Variants in ASB4 observed in about 807,000 individuals in gnomAD.
The protein encoded by ASB4 is ankyrin repeat and SOCS box containing 4, also known as ankyrin repeat and SOCS box protein 4.
A neutral mutation model predicts 38.6 loss-of-function variants in ASB4; 35 were observed. The ratio of observed to expected loss-of-function variants is 0.91; its 90% CI spans 0.69 to 1.20. ASB4 has a LOEUF of 1.20. Among genes scored for constraint, ASB4 ranks in the 50% most tolerant of loss-of-function variants. The probability of loss-of-function intolerance (pLI) is 0.00; values close to 1 mark genes in which losing one functional copy is unlikely to be tolerated. For synonymous variants in ASB4, 195 were observed against 201.3 expected, an observed-to-expected ratio of 0.97 and a Z score of 0.26; for missense variants, 557 against 527.2, an observed-to-expected ratio of 1.06 and a Z score of -0.55.
the ASB4 span, among the ~76,000 whole-genome samples, chr7:95,546,679 G>GTGAA: frequency 6.6e-6 from 1 of 152,182 alleles, no homozygotes; most frequent in Non-Finnish European, 1.5e-5. Context: ...GATAGGCAAG[G>GTGAA]TGAAATACAT....
chr7:95,501,344 G>A (rs1790334523), intron 2 of ASB4, among the ~76,000 whole-genome samples: 1 of 152,222 alleles, frequency 6.6e-6, no homozygotes, highest in South Asian at 2.1e-4. Context: ...TTATCTGACA[G>A]TGACACAAGT....
At chr7:95,535,328 A>C (rs1420544378) in intron 3 of ASB4, among the ~76,000 whole-genome samples, 1 of 152,206 alleles carries the variant, frequency 6.6e-6, no homozygotes, top group African/African-American at 2.4e-5. Flanking sequence ...GTCTTTGGAG[A>C]AAGTTGTTTA....
At chr7:95,485,308 A>C (rs554746935), upstream of ASB4, among the ~76,000 whole-genome samples, 68 of 152,218 alleles carry the variant, frequency 4.5e-4, no homozygotes, top group Non-Finnish European at 8.8e-4. Context: ...GTTCATTCAC[A>C]TGTTGCATTT....
At chr7:95,497,508 A>T (rs968408083) in intron 2 of ASB4, among the ~76,000 whole-genome samples, 1 of 152,228 alleles carries the variant, frequency 6.6e-6, no homozygotes, top group Non-Finnish European at 1.5e-5. Context: ...AAGAAACTTG[A>T]GGAAGAGGCA....
intron 2 of ASB4, among the ~76,000 whole-genome samples, chr7:95,505,281 T>C (rs1017614126): frequency 6.6e-6 from 1 of 152,152 alleles, no homozygotes; most frequent in African/African-American, 2.4e-5. Context: ...TTAAGATCAA[T>C]ATACAAAAAT....
intron 2 of ASB4, among the ~76,000 whole-genome samples, chr7:95,515,203 TTC>T (rs1251180034): frequency 9.2e-5 from 12 of 130,922 alleles, no homozygotes; most frequent in African/African-American, 2.8e-4. Flanking sequence ...CTTTCTTTCT[TTC>T]TTTCTTTCTT....
intron 2 of ASB4, among the ~76,000 whole-genome samples, chr7:95,523,631 T>A (rs531020769): frequency 2.0e-5 from 3 of 151,812 alleles, no homozygotes; most frequent in Non-Finnish European, 2.9e-5. Context: ...ATAAAGACTC[T>A]TAACATAGTT....
At chr7:95,515,235 C>T (rs149398589) in intron 2 of ASB4, among the ~76,000 whole-genome samples, 7,950 of 71,952 alleles carry the variant, frequency 0.11, 252 homozygotes, top group Middle Eastern at 0.17. Context: ...CTTTCTTTTT[C>T]TTTCTTTCTT....
downstream of ASB4, among the ~76,000 whole-genome samples, chr7:95,541,745 C>T (rs937807730): frequency 4.6e-5 from 7 of 152,036 alleles, no homozygotes; most frequent in African/African-American, 1.7e-4. Context: ...GAGCTGATTT[C>T]GCAGCTGTTT....
chr7:95,506,686 C>CTTTTTTTTTT (rs76270182), intron 2 of ASB4, among the ~76,000 whole-genome samples: 1 of 119,964 alleles, frequency 8.3e-6, no homozygotes, highest in African/African-American at 3.1e-5. Context: ...AATTTAGATT[C>CTTTTTTTTTT]TTTTTTTTTT....
At chr7:95,533,375 C>T (rs963367219) in intron 3 of ASB4, among the ~76,000 whole-genome samples, 1 of 152,208 alleles carries the variant, frequency 6.6e-6, no homozygotes, top group Non-Finnish European at 1.5e-5. Context: ...GCTTCTAACA[C>T]TCTTCGTGCT....
chr7:95,497,714 A>C (rs1430137939), intron 2 of ASB4, among the ~76,000 whole-genome samples: 1 of 152,160 alleles, frequency 6.6e-6, no homozygotes, highest in East Asian at 1.9e-4. Flanking sequence ...TCTACAGACA[A>C]CCACTGATGT....
upstream of ASB4, among the ~76,000 whole-genome samples, chr7:95,478,136 T>C (rs1176042654): frequency 6.6e-6 from 1 of 152,222 alleles, no homozygotes; most frequent in African/African-American, 2.4e-5. Context: ...TTTTTTTTCT[T>C]ACTGCACCTC....
At chr7:95,535,997 G>C (rs146381486) in intron 3 of ASB4, among the ~76,000 whole-genome samples, 137 of 152,330 alleles carry the variant, frequency 9.0e-4, no homozygotes, top group African/African-American at 3.2e-3. Context: ...TGTCCAGTCT[G>C]TCTCTAAATT....
chr7:95,536,295 C>T (rs777605026), intron 3 of ASB4, 142 bp from the exon 4 acceptor site: 1 of 548,136 alleles, frequency 1.8e-6, no homozygotes, highest in Non-Finnish European at 3.3e-6. Context: ...AGCAATCCTC[C>T]TGCCTCAGTC....
At chr7:95,545,272 C>G in the ASB4 span, among the ~76,000 whole-genome samples, 3 of 152,134 alleles carry the variant, frequency 2.0e-5, no homozygotes, top group African/African-American at 7.2e-5. Context: ...CCAGAAAGAT[C>G]AAGAAAGGTA....
chr7:95,520,008 C>G (rs1025110881), intron 2 of ASB4, among the ~76,000 whole-genome samples: 2 of 151,968 alleles, frequency 1.3e-5, no homozygotes, highest in Non-Finnish European at 2.9e-5. Flanking sequence ...AAAAAACATG[C>G]CTTGTTTGGA....
rs114221737 is a variant in ASB4 at position 95,496,619 on chromosome 7, A to G, written c.487+562A>G. ...ACCAGAAGTTTTGGAGGCTAAGGTG[A>G]GAGGATCACTTGAGCCCAGGAGTTC... On this transcript the variant is annotated intron_variant, in intron 2 of 4. Transcript: ENST00000325885. Among the ~76,000 whole-genome samples, 849 of 152,208 alleles carry G rather than the reference A, an allele frequency of 5.6e-3. 10 individuals carry two copies. The highest frequency in any genetic ancestry group is 0.019 in the African/African-American group (788 of 41,552).
the ASB4 span, among the ~76,000 whole-genome samples, chr7:95,551,227 C>T: frequency 1.3e-5 from 2 of 152,176 alleles, no homozygotes; most frequent in African/African-American, 2.4e-5. Flanking sequence ...GACATCCACT[C>T]GGCTTGGCCT....
Sources: allele counts gnomAD v4.1 joint callset (sites outside exome capture counted in the v4.1 genomes callset), GRCh38; gene constraint gnomAD v4.1.1; transcripts MANE v1.5; gene names NCBI Gene and HGNC (gene_info 2026-07-23, HGNC 2026-07-21).